The following PIEZO1 variants were observed in gnomAD, a reference collection of about 807,000 sequenced individuals.
PIEZO1 encodes piezo type mechanosensitive ion channel component 1 (Er blood group).
A neutral mutation model predicts 297.2 loss-of-function variants in PIEZO1; 296 were observed. The ratio of observed to expected loss-of-function variants is 1.00; its 90% CI spans 0.91 to 1.10. The LOEUF (loss-of-function observed/expected upper bound fraction) is 1.10, where lower values mean the gene tolerates loss of function less well. Among genes scored for constraint, PIEZO1 ranks in the 50% least tolerant of loss-of-function variants. The probability of loss-of-function intolerance (pLI) is 0.00; values close to 1 mark genes in which losing one functional copy is unlikely to be tolerated. For missense variants in PIEZO1, 5,018 were observed against 3,455.5 expected, an observed-to-expected ratio of 1.45 and a Z score of -11.34; for synonymous variants, 2,427 against 1,507.5, an observed-to-expected ratio of 1.61 and a Z score of -14.13.
chr16:88,719,816 G>C lies in PIEZO1; in HGVS notation c.6309C>G (p.Leu2103=), dbSNP rs1407252308. ...FLTKKYNHLN[L]FLFQGFRLVP... ...CCTGCACTCACCCCTGGAAGAGGAAGAGGTTGAGATGATTGTACTTCTTGG... is the reference window on the plus strand; with the variant it reads ...CCTGCACTCACCCCTGGAAGAGGAACAGGTTGAGATGATTGTACTTCTTGG... The change falls in exon 43 of 51, where the codon CTC becomes CTG. Residue 2103 remains leucine (L), a synonymous_variant. Coordinates refer to ENST00000301015, the MANE Select transcript of PIEZO1 (RefSeq NM_001142864.4). 1 of 1,550,576 alleles carries C rather than the reference G, an allele frequency of 6.4e-7. No individual in the cohort carries two copies.
At chr16:88,784,855 G>C (rs929072700) in intron 1 of PIEZO1, 46 bp downstream of exon 1, 1 of 1,330,410 alleles carries the variant, frequency 7.5e-7, no homozygotes, top group East Asian at 3.3e-5. Context: ...GGGGAGCCGA[G>C]ACGCAGCCCC....
intron 1 of PIEZO1, among the ~76,000 whole-genome samples, chr16:88,762,259 C>T (rs994035371): frequency 1.3e-5 from 2 of 152,184 alleles, no homozygotes; most frequent in African/African-American, 4.8e-5. Context: ...AAAGGGCCCC[C>T]GCTGGCCTTT....
At chr16:88,732,134 A>C (rs1029309681) in intron 21 of PIEZO1, among the ~76,000 whole-genome samples, 4 of 151,972 alleles carry the variant, frequency 2.6e-5, no homozygotes, top group Admixed American at 2.6e-4. Context: ...AGTAGAGCAG[A>C]TCTAACTTGG....
At chr16:88,721,015 G>T in intron 39 of PIEZO1, 151 bp downstream of exon 39, 1 of 859,420 alleles carries the variant, frequency 1.2e-6, no homozygotes. Flanking sequence ...TGTAGGCAGA[G>T]CCGGGAGCTG....
intron 1 of PIEZO1, among the ~76,000 whole-genome samples, chr16:88,753,443 C>A (rs1458608595): frequency 1.3e-5 from 2 of 151,858 alleles, no homozygotes; most frequent in African/African-American, 2.4e-5. Context: ...CAAGCAGGGG[C>A]AGCCTCACGG....
At chr16:88,730,475 G>A (rs950410243) in intron 22 of PIEZO1, among the ~76,000 whole-genome samples, 1 of 151,902 alleles carries the variant, frequency 6.6e-6, no homozygotes, top group African/African-American at 2.4e-5. Flanking sequence ...GTGCTTGCCT[G>A]TAATCCTAGC....
chr16:88,757,993 C>T (rs771069144), intron 1 of PIEZO1, among the ~76,000 whole-genome samples: 5 of 152,188 alleles, frequency 3.3e-5, no homozygotes, highest in Non-Finnish European at 7.4e-5. Flanking sequence ...CCCTCTGTGC[C>T]TCTACTTCTC....
chr16:88,721,685 GA>G lies in PIEZO1; in HGVS notation c.5255del (p.Phe1752SerfsTer169). The G allele has an allele frequency of 6.5e-7, 1 of 1,549,556 alleles. No individual in the cohort carries two copies. The highest frequency in any genetic ancestry group is 8.7e-7 in the Non-Finnish European group (1 of 1,146,688). ...GCAGCACCACGTGGCTGTTCCAGGG[GA>G]AGAACCCAAACTGGAACAGGTACTT... ...VVKYLFQFGFFPWNSHVVLRR... is the reference protein window; with the variant it reads ...VVKYLFQFGFXPWNSHVVLRR... On this transcript the variant is annotated frameshift_variant, in exon 38 of 51. Coordinates refer to ENST00000301015, the MANE Select transcript of PIEZO1 (RefSeq NM_001142864.4). LOFTEE classifies it high-confidence loss of function.
At position 88,716,289 on chromosome 16, in the gene PIEZO1, T is replaced by C; in HGVS notation, c.7050-12A>G. On this transcript the variant is annotated splice_polypyrimidine_tract_variant and intron_variant, in intron 48 of 50. Coordinates refer to ENST00000301015, the MANE Select transcript of PIEZO1 (RefSeq NM_001142864.4). ...GATTAGGGATGACCCTGCAGGGAGG[T>C]GCTGGCAGGTCAGGCCTGGCCCAGC... 1 of 1,488,690 alleles carries C rather than the reference T, an allele frequency of 6.7e-7. No homozygotes were observed. Among genetic ancestry groups the C allele is most frequent in the Non-Finnish European group, 9.0e-7 (1 of 1,113,472 alleles). 92.2% of individuals were successfully genotyped at this position (1,488,690 alleles called of 1,614,324 possible).
chr16:88,773,233 G>C (rs1013818694), intron 1 of PIEZO1, among the ~76,000 whole-genome samples: 5 of 152,240 alleles, frequency 3.3e-5, no homozygotes, highest in Non-Finnish European at 5.9e-5. Context: ...CCAGGCCCTC[G>C]CTCAGGGGAT....
intron 1 of PIEZO1, among the ~76,000 whole-genome samples, chr16:88,780,469 G>A (rs1907880474): frequency 6.6e-6 from 1 of 152,158 alleles, no homozygotes; most frequent in African/African-American, 2.4e-5. Flanking sequence ...GAGGGGCAGG[G>A]GTTGGCTGGG....
Position 88,749,392 on chromosome 16 carries a change from C to G in PIEZO1, c.152G>C (p.Gly51Ala). The G allele has an allele frequency of 1.3e-6, 2 of 1,506,436 alleles. 1 individual carries two copies. The highest frequency in any genetic ancestry group is 2.5e-5 in the South Asian group (2 of 78,700). 93.3% of individuals were successfully genotyped at this position (1,506,436 alleles called of 1,614,324 possible). A position where few individuals can be genotyped will look rare whatever the true frequency, so the allele number is the denominator to read the frequency against. The change falls in exon 2 of 51, where the codon GGC becomes GCC. Residue 51 changes from glycine (G) to alanine (A), a missense_variant. By Grantham distance (60) the Gly-to-Ala change is moderately conservative. Transcript: ENST00000301015. The stretch of plus-strand genomic sequence containing the variant: ...GGGTCCCCTGGCCTTACCTTGGAGG[C>G]CGCATCGGGTGGGGCCGGGGAACCA... The part of the protein sequence containing the change: ...LPWFPGPTRC[G>A]LQGHTGRLLR...
At chr16:88,771,502 C>T (rs1279729085) in intron 1 of PIEZO1, among the ~76,000 whole-genome samples, 1 of 152,220 alleles carries the variant, frequency 6.6e-6, no homozygotes, top group Non-Finnish European at 1.5e-5. Flanking sequence ...GGGCTCGGCT[C>T]CCCACGGCTC....
In PIEZO1 at chr16:88,734,017, C is replaced by A; in HGVS notation, c.2218G>T (p.Glu740Ter). The part of the protein sequence containing the change: ...AVSGTPLLRE[E>*]QQEHQQQQQE... ...TGCTGCTGCTGATGCTCCTGCTGCT[C>A]CTCCCGCAGCAGTGGGGTCCCACTC... Residue 740 changes from glutamate to a stop codon, truncating the protein, a stop_gained, in exon 17 of 51, where the codon GAG (glutamate) becomes TAG (stop). Transcript: ENST00000301015. LOFTEE classifies it high-confidence loss of function. The A allele has an allele frequency of 3.9e-6, 6 of 1,545,954 alleles. No individual in the cohort carries two copies. The highest frequency in any genetic ancestry group is 5.2e-6 in the Non-Finnish European group (6 of 1,143,868).
At chr16:88,767,902 C>G (rs1237168651) in intron 1 of PIEZO1, among the ~76,000 whole-genome samples, 3 of 152,304 alleles carry the variant, frequency 2.0e-5, no homozygotes, top group South Asian at 4.1e-4. Flanking sequence ...AACCCCCAAG[C>G]CCTCGCAGAC....
intron 1 of PIEZO1, among the ~76,000 whole-genome samples, chr16:88,766,640 G>A (rs377694448): frequency 2.9e-4 from 44 of 152,344 alleles, no homozygotes; most frequent in African/African-American, 1.0e-3. Flanking sequence ...CAGGGCTGGG[G>A]CGAGTGGGAC....
intron 12 of PIEZO1, among the ~76,000 whole-genome samples, chr16:88,735,866 T>C (rs1384171295): frequency 6.6e-6 from 1 of 151,816 alleles, no homozygotes; most frequent in African/African-American, 2.4e-5. Context: ...ACACACAGTG[T>C]CGGGGCACAG....
At chr16:88,781,338 C>G (rs1278040577) in intron 1 of PIEZO1, among the ~76,000 whole-genome samples, 2 of 152,252 alleles carry the variant, frequency 1.3e-5, no homozygotes, top group African/African-American at 4.8e-5. Flanking sequence ...CTGGAGCTCC[C>G]TGTGTCCTGG....
intron 1 of PIEZO1, among the ~76,000 whole-genome samples, chr16:88,754,892 C>T (rs555950473): frequency 4.6e-5 from 7 of 152,354 alleles, no homozygotes; most frequent in African/African-American, 1.2e-4. Context: ...ATCGTGTGAA[C>T]GAACGCCCCG....
Sources: allele counts gnomAD v4.1 joint callset (sites outside exome capture counted in the v4.1 genomes callset), GRCh38; gene constraint gnomAD v4.1.1; transcripts MANE v1.5; gene names NCBI Gene and HGNC (gene_info 2026-07-23, HGNC 2026-07-21).